Variants in SHISA9 observed in about 807,000 individuals in gnomAD.
SHISA9 encodes the protein shisa family member 9, also known as protein shisa-9.
SHISA9 carries 13 observed loss-of-function variants against 38.0 expected under a neutral mutation model. The observed-to-expected ratio is 0.34, with a 90% CI of 0.22 to 0.54. SHISA9 has a LOEUF of 0.54. Among genes scored for constraint, SHISA9 ranks in the 20% least tolerant of loss-of-function variants. SHISA9 has a pLI of 0.91. For synonymous variants in SHISA9, 275 were observed against 242.0 expected (o/e 1.14, Z -1.27); for missense variants, 538 against 575.8 (o/e 0.93, Z 0.67).
the SHISA9 span, among the ~76,000 whole-genome samples, chr16:13,463,981 G>C: frequency 6.6e-6 from 1 of 152,246 alleles, no homozygotes; most frequent in Admixed American, 6.5e-5. Context: ...CAAAGGCAAT[G>C]CTAATTAACA....
the SHISA9 span, among the ~76,000 whole-genome samples, chr16:13,360,369 T>C: frequency 1.3e-5 from 2 of 152,206 alleles, no homozygotes; most frequent in Non-Finnish European, 2.9e-5. Flanking sequence ...TCATCTTGAA[T>C]TGTAGTTCTC....
the SHISA9 span, among the ~76,000 whole-genome samples, chr16:13,382,999 C>T: frequency 4.6e-5 from 7 of 152,252 alleles, no homozygotes; most frequent in South Asian, 4.1e-4. Context: ...ACTAAGTGTT[C>T]GTTGCGTGTC....
At chr16:13,463,347 C>T in the SHISA9 span, among the ~76,000 whole-genome samples, 2 of 152,142 alleles carry the variant, frequency 1.3e-5, no homozygotes, top group Admixed American at 1.3e-4. Flanking sequence ...GCAGGAGAGG[C>T]AGCGTGCAGG....
chr16:12,943,805 C>A (rs959225637), intron 2 of SHISA9, among the ~76,000 whole-genome samples: 2 of 152,118 alleles, frequency 1.3e-5, no homozygotes. Flanking sequence ...TAATATAGAT[C>A]CTATTTTACA....
At chr16:13,102,703 G>A (rs182208149) in intron 2 of SHISA9, among the ~76,000 whole-genome samples, 87 of 152,196 alleles carry the variant, frequency 5.7e-4, no homozygotes, top group Admixed American at 1.6e-3. Context: ...TTTCTCTGCC[G>A]CTATAATGCT....
At chr16:13,546,090 G>T in the SHISA9 span, among the ~76,000 whole-genome samples, 1 of 152,180 alleles carries the variant, frequency 6.6e-6, no homozygotes, top group Non-Finnish European at 1.5e-5. Context: ...CTCTTGCCTA[G>T]AGCCAGACTT....
rs559819678 is a variant in SHISA9 at position 13,060,873 on chromosome 16, G to C, written c.692-142521G>C. Among the ~76,000 whole-genome samples, 8 of 152,202 alleles carry C rather than the reference G, an allele frequency of 5.3e-5. No homozygotes were observed. The East Asian group carries it at 1.5e-3, about 29-fold the overall frequency. On this transcript the variant is annotated intron_variant, in intron 2 of 4. Transcript: ENST00000558583. Reference sequence around the variant, plus strand: ...CAGCCTGGCTGTTAGAATGGGTTAGGGCTATGCAAAGAGTAGGCTCTGGAC... The same window carrying C: ...CAGCCTGGCTGTTAGAATGGGTTAGCGCTATGCAAAGAGTAGGCTCTGGAC...
At chr16:13,359,774 C>T in the SHISA9 span, among the ~76,000 whole-genome samples, 1 of 152,204 alleles carries the variant, frequency 6.6e-6, no homozygotes, top group Non-Finnish European at 1.5e-5. Flanking sequence ...TTGTGTGAAG[C>T]AGGTTCACTG....
intron 2 of SHISA9, among the ~76,000 whole-genome samples, chr16:13,065,290 C>T (rs184639747): frequency 6.6e-6 from 1 of 152,284 alleles, no homozygotes; most frequent in East Asian, 1.9e-4. Context: ...CATCCCTGTC[C>T]CTTTCTCTTT....
At chr16:13,225,832 G>A (rs951243475) in intron 4 of SHISA9, among the ~76,000 whole-genome samples, 2 of 152,184 alleles carry the variant, frequency 1.3e-5, no homozygotes, top group African/African-American at 2.4e-5. Flanking sequence ...GACAGATGGA[G>A]GAAGGTATAG....
the SHISA9 span, among the ~76,000 whole-genome samples, chr16:13,483,701 C>G: frequency 1.3e-5 from 2 of 151,986 alleles, no homozygotes; most frequent in Non-Finnish European, 2.9e-5. Context: ...GCTTTATATC[C>G]TGGCGAAAGG....
the SHISA9 span, among the ~76,000 whole-genome samples, chr16:13,495,445 T>G: frequency 6.6e-6 from 1 of 152,132 alleles, no homozygotes; most frequent in African/African-American, 2.4e-5. Flanking sequence ...AATCCCAATT[T>G]CATTTAAGAA....
the SHISA9 span, among the ~76,000 whole-genome samples, chr16:13,430,744 C>A: frequency 2.7e-4 from 39 of 143,706 alleles, no homozygotes; most frequent in Non-Finnish European, 3.8e-4. Flanking sequence ...CATCTCTAAA[C>A]AAAAAAAAAA....
the SHISA9 span, among the ~76,000 whole-genome samples, chr16:13,320,292 C>CAAAAAAAAAAAA: frequency 2.6e-4 from 10 of 38,996 alleles, 1 homozygote; most frequent in African/African-American, 4.7e-4. Flanking sequence ...GACTCTGTCT[C>CAAAAAAAAAAAA]AAAAAAAAAA....
chr16:13,227,069 A>G (rs1375474678), intron 4 of SHISA9, among the ~76,000 whole-genome samples: 1 of 152,206 alleles, frequency 6.6e-6, no homozygotes, highest in Non-Finnish European at 1.5e-5. Context: ...CAGCTTAAAG[A>G]GTTCTTTCTC....
chr16:13,173,764 T>C (rs2050708806), intron 2 of SHISA9, among the ~76,000 whole-genome samples: 1 of 151,988 alleles, frequency 6.6e-6, no homozygotes, highest in South Asian at 2.1e-4. Context: ...AGAAGACAAA[T>C]GAAAAACCCG....
the SHISA9 span, among the ~76,000 whole-genome samples, chr16:13,450,116 A>T: frequency 6.6e-6 from 1 of 151,390 alleles, no homozygotes; most frequent in Non-Finnish European, 1.5e-5. Flanking sequence ...GACTCTGTGT[A>T]AAAAAAAATA....
chr16:13,372,969 C>T, the SHISA9 span, among the ~76,000 whole-genome samples: 1 of 152,006 alleles, frequency 6.6e-6, no homozygotes, highest in African/African-American at 2.4e-5. Flanking sequence ...GGATACATAT[C>T]TGTGCTTTAA....
chr16:13,049,009 T>A (rs2073218303), intron 2 of SHISA9, among the ~76,000 whole-genome samples: 1 of 152,166 alleles, frequency 6.6e-6, no homozygotes, highest in Non-Finnish European at 1.5e-5. Flanking sequence ...AAGAAACATT[T>A]CTGGTCCAGT....
Sources: allele counts gnomAD v4.1 joint callset (sites outside exome capture counted in the v4.1 genomes callset), GRCh38; gene constraint gnomAD v4.1.1; transcripts MANE v1.5; gene names NCBI Gene and HGNC (gene_info 2026-07-23, HGNC 2026-07-21).